CHIC2: variants seen among roughly 807,000 people sequenced by gnomAD.
CHIC2 encodes cysteine-rich hydrophobic domain-containing protein 2.
A neutral mutation model predicts 25.9 loss-of-function variants in CHIC2; 14 were observed. The ratio of observed to expected loss-of-function variants is 0.54; its 90% CI spans 0.36 to 0.85. The LOEUF is 0.85. Ranked by LOEUF, CHIC2 falls within the 40% of genes least tolerant of loss-of-function variation. The probability of loss-of-function intolerance (pLI) is 0.01; values close to 1 mark genes in which losing one functional copy is unlikely to be tolerated. For synonymous variants in CHIC2, 70 were observed against 72.0 expected (o/e 0.97, Z 0.14); for missense variants, 146 against 202.0 (o/e 0.72, Z 1.68).
At chr4:54,020,046 T>C (rs1009742991) in intron 3 of CHIC2, among the ~76,000 whole-genome samples, 13 of 152,148 alleles carry the variant, frequency 8.5e-5, no homozygotes, top group South Asian at 8.3e-4. Context: ...TTTAAAAATA[T>C]ATGTAATTAC....
the CHIC2 span, among the ~76,000 whole-genome samples, chr4:54,074,446 C>T: frequency 6.6e-6 from 1 of 152,086 alleles, no homozygotes; most frequent in South Asian, 2.1e-4. Flanking sequence ...TAGTTCTTTG[C>T]ACATGGTACA....
rs142471216 is a variant in CHIC2 at position 54,057,219 on chromosome 4, A to G, written c.119+6963T>C. ...ACACAGAACTGTAATAACTCCTTTA[A>G]TCTAGAGATCAACACCCTAGCTGGG... is the stretch of plus-strand genomic sequence containing the variant. On this transcript the variant is annotated intron_variant, in intron 1 of 5. Coordinates refer to ENST00000263921, the MANE Select transcript of CHIC2 (RefSeq NM_012110.4). Among the ~76,000 whole-genome samples the G allele has an allele frequency of 2.7e-4, 41 of 151,842 alleles. No individual in the cohort carries two copies. The East Asian group carries it at 7.7e-3, about 29-fold the overall frequency.
At chr4:54,042,754 A>G (rs1266911441) in intron 3 of CHIC2, among the ~76,000 whole-genome samples, 1 of 152,166 alleles carries the variant, frequency 6.6e-6, no homozygotes, top group African/African-American at 2.4e-5. Context: ...ATCTGGTGAG[A>G]ATGATGAAAA....
At chr4:54,022,321 C>A (rs539188938) in intron 3 of CHIC2, among the ~76,000 whole-genome samples, 1 of 152,250 alleles carries the variant, frequency 6.6e-6, no homozygotes, top group Admixed American at 6.5e-5. Flanking sequence ...TGGACCATCA[C>A]AGACGCTCTG....
intron 1 of CHIC2, among the ~76,000 whole-genome samples, chr4:54,055,605 T>A (rs1717150956): frequency 6.6e-6 from 1 of 152,146 alleles, no homozygotes. Context: ...CCTACAGATA[T>A]GACAAGACCT....
upstream of CHIC2, among the ~76,000 whole-genome samples, chr4:54,069,311 G>A (rs1717574733): frequency 6.6e-6 from 1 of 152,194 alleles, no homozygotes. Context: ...TTATAGGCAT[G>A]AGCCACCACA....
chr4:54,087,642 T>C, the CHIC2 span: 5 of 586,972 alleles, frequency 8.5e-6, no homozygotes, highest in South Asian at 1.6e-4. Context: ...TGTTGGCCTA[T>C]ATATCCCTTG....
At chr4:54,061,140 T>C (rs1344679903) in intron 1 of CHIC2, 1 of 152,074 alleles carries the variant, frequency 6.6e-6, no homozygotes, top group African/African-American at 2.4e-5. Flanking sequence ...AAAAGGAAAA[T>C]ATTTGCATTA....
chr4:54,054,523 A>G (rs796179931), intron 1 of CHIC2, among the ~76,000 whole-genome samples: 6 of 152,374 alleles, frequency 3.9e-5, no homozygotes, highest in African/African-American at 1.4e-4. Flanking sequence ...TAAAACAGAA[A>G]TATCTTATAA....
intron 3 of CHIC2, among the ~76,000 whole-genome samples, chr4:54,034,402 C>G (rs1198204004): frequency 8.2e-6 from 1 of 121,644 alleles, no homozygotes; most frequent in Non-Finnish European, 1.7e-5. Context: ...AAAACTCTGT[C>G]TCAAAAAAAA....
At chr4:54,090,123 C>T in the CHIC2 span, among the ~76,000 whole-genome samples, 1 of 152,042 alleles carries the variant, frequency 6.6e-6, no homozygotes, top group Non-Finnish European at 1.5e-5. Context: ...CACATCTGGT[C>T]CCAAGCATTT....
intron 1 of CHIC2, chr4:54,061,266 TCAC>T (rs1417012748): frequency 3.3e-5 from 5 of 152,120 alleles, no homozygotes; most frequent in African/African-American, 7.2e-5. Context: ...CTTTCTCACA[TCAC>T]CACAATGACA....
chr4:54,013,171 C>G (rs1715642059), intron 5 of CHIC2, among the ~76,000 whole-genome samples: 1 of 151,964 alleles, frequency 6.6e-6, no homozygotes, highest in Non-Finnish European at 1.5e-5. Flanking sequence ...CTAGAGTATT[C>G]TGAAATTTTC....
upstream of CHIC2, among the ~76,000 whole-genome samples, chr4:54,065,467 A>T (rs181789656): frequency 4.4e-4 from 67 of 152,314 alleles, no homozygotes; most frequent in African/African-American, 1.6e-3. Context: ...AGAGGAAGAA[A>T]AGGAGGCAGG....
chr4:54,070,405 T>C, the CHIC2 span, among the ~76,000 whole-genome samples: 2 of 87,238 alleles, frequency 2.3e-5, no homozygotes, highest in Non-Finnish European at 6.6e-5. Flanking sequence ...TATTTATTTA[T>C]TTATGTATTT....
chr4:54,068,949 G>A (rs1040868121), upstream of CHIC2, among the ~76,000 whole-genome samples: 6 of 152,166 alleles, frequency 3.9e-5, no homozygotes, highest in African/African-American at 1.2e-4. Context: ...CACAGAACTC[G>A]GGGAAACAGG....
chr4:54,049,380 T>C (rs1174559320), intron 1 of CHIC2, 75 bp from the exon 2 acceptor site: 16 of 935,130 alleles, frequency 1.7e-5, no homozygotes, highest in Non-Finnish European at 2.6e-5. Flanking sequence ...AATTTAAAGG[T>C]CAAGTCAATA....
chr4:54,054,254 C>T (rs1717102366), intron 1 of CHIC2, among the ~76,000 whole-genome samples: 1 of 152,222 alleles, frequency 6.6e-6, no homozygotes, highest in Non-Finnish European at 1.5e-5. Flanking sequence ...TCAAGTCCAT[C>T]TAATCCTCTG....
chr4:54,089,688 T>TA, the CHIC2 span, among the ~76,000 whole-genome samples: 1 of 152,192 alleles, frequency 6.6e-6, no homozygotes, highest in South Asian at 2.1e-4. Context: ...CAAAGCTGCC[T>TA]AAAAGAATAT....
Sources: allele counts gnomAD v4.1 joint callset (sites outside exome capture counted in the v4.1 genomes callset), GRCh38; gene constraint gnomAD v4.1.1; transcripts MANE v1.5; gene names NCBI Gene and HGNC (gene_info 2026-07-23, HGNC 2026-07-21).